SYNPR: variants seen among roughly 807,000 people sequenced by gnomAD.
The protein encoded by SYNPR is synaptoporin.
Under a neutral mutation model 32.9 loss-of-function variants are expected in SYNPR, and 23 were observed. That is an observed-to-expected ratio of 0.70 (90% CI 0.50 to 0.99). The LOEUF (loss-of-function observed/expected upper bound fraction) is 0.99, where lower values mean the gene tolerates loss of function less well. SYNPR is among the 50% of genes least tolerant of loss of function. The pLI is 0.00. For missense variants in SYNPR, 318 were observed against 349.3 expected (o/e 0.91, Z 0.71); for synonymous variants, 146 against 135.9 (o/e 1.07, Z -0.52).
intron 4 of SYNPR, among the ~76,000 whole-genome samples, chr3:63,577,620 T>C (rs1408397669): frequency 6.6e-6 from 1 of 152,056 alleles, no homozygotes; most frequent in Non-Finnish European, 1.5e-5. Flanking sequence ...TGTAGGTGTA[T>C]GAATGTAGGT....
intron 3 of SYNPR, among the ~76,000 whole-genome samples, chr3:63,544,883 C>T (rs1249346700): frequency 6.6e-6 from 1 of 152,024 alleles, no homozygotes; most frequent in Non-Finnish European, 1.5e-5. Context: ...TTCACACACA[C>T]ACACACACAA....
intron 2 of SYNPR, among the ~76,000 whole-genome samples, chr3:63,445,045 C>T (rs886331261): frequency 6.6e-6 from 1 of 151,920 alleles, no homozygotes. Context: ...AACATCACCT[C>T]TTCCCCTCCC....
intron 3 of SYNPR, among the ~76,000 whole-genome samples, chr3:63,481,481 A>C (rs1335391023): frequency 6.6e-6 from 1 of 151,686 alleles, no homozygotes; most frequent in Non-Finnish European, 1.5e-5. Context: ...GTATACATAT[A>C]AAGTGAACTG....
At chr3:63,313,690 C>CCATATATATATCCAT (rs2086995197) in intron 2 of SYNPR, among the ~76,000 whole-genome samples, 1 of 46,624 alleles carries the variant, frequency 2.1e-5, no homozygotes, top group African/African-American at 9.9e-5. Context: ...CATATATATC[C>CCATATATATATCCAT]ATATATATAT....
chr3:63,327,943 T>C lies in SYNPR; in HGVS notation c.84+49201T>C, dbSNP rs1040382364. Among the ~76,000 whole-genome samples the C allele has an allele frequency of 5.3e-5, 8 of 152,096 alleles. No individual in the cohort carries two copies. The East Asian group carries it at 1.5e-3, about 29-fold the overall frequency. On this transcript the variant is annotated intron_variant, in intron 2 of 5. Transcript: ENST00000478300. ...GAAATTCACCTTAAAAAAGGCAATGTGTGAAAAGGATCAGGAGAGGCACAG... is the reference window on the plus strand; with the variant it reads ...GAAATTCACCTTAAAAAAGGCAATGCGTGAAAAGGATCAGGAGAGGCACAG...
rs1021238741 is a variant in SYNPR at position 63,615,638 on chromosome 3, G to A, written c.*157G>A. 3 of 990,448 alleles carry A rather than the reference G, an allele frequency of 3.0e-6. No individual in the cohort carries two copies. Among genetic ancestry groups the A allele is most frequent in the Non-Finnish European group, 4.3e-6 (3 of 695,054 alleles). The allele number at this position is 990,448 out of a possible 1,614,324, so 61.4% of individuals were successfully genotyped here. ...ATTAAGGCAGCAAGTCCTGGGTTGT[G>A]AAAAATGATACTTAGAGATGAGGCG... On this transcript the variant is annotated 3_prime_UTR_variant, in exon 6 of 6. Coordinates refer to ENST00000478300, the MANE Select transcript of SYNPR (RefSeq NM_001130003.2).
At chr3:63,345,662 C>A (rs2087428139) in intron 2 of SYNPR, among the ~76,000 whole-genome samples, 1 of 152,052 alleles carries the variant, frequency 6.6e-6, no homozygotes, top group African/African-American at 2.4e-5. Flanking sequence ...CCAACCAGAG[C>A]CAAGCCAAAG....
chr3:63,283,666 C>T (rs1374618577), intron 2 of SYNPR, among the ~76,000 whole-genome samples: 1 of 144,924 alleles, frequency 6.9e-6, no homozygotes, highest in African/African-American at 2.6e-5. Context: ...ACTCTGTCAC[C>T]CACGATGGAG....
At chr3:63,302,244 G>A (rs2086865300) in intron 2 of SYNPR, among the ~76,000 whole-genome samples, 1 of 151,970 alleles carries the variant, frequency 6.6e-6, no homozygotes, top group Non-Finnish European at 1.5e-5. Context: ...TGTGTGAGTT[G>A]TGCCATTGTT....
chr3:63,524,186 C>T (rs1701962789), intron 3 of SYNPR, among the ~76,000 whole-genome samples: 1 of 151,818 alleles, frequency 6.6e-6, no homozygotes, highest in South Asian at 2.1e-4. Context: ...TAAAAAGTAA[C>T]CAAATAGTAA....
chr3:63,324,430 G>T (rs1266865177), intron 2 of SYNPR, among the ~76,000 whole-genome samples: 1 of 152,108 alleles, frequency 6.6e-6, no homozygotes, highest in Non-Finnish European at 1.5e-5. Context: ...AAGTTTGTGA[G>T]CTGGGAGGTG....
At chr3:63,547,323 T>C (rs6445357) in intron 3 of SYNPR, among the ~76,000 whole-genome samples, 98,805 of 151,862 alleles carry the variant, frequency 0.65, 33,053 homozygotes, top group African/African-American at 0.8. Flanking sequence ...ATTGCTGGAG[T>C]CTTCTCTCAG....
intron 2 of SYNPR, among the ~76,000 whole-genome samples, chr3:63,319,207 G>T (rs2087081519): frequency 6.6e-6 from 1 of 151,912 alleles, no homozygotes; most frequent in African/African-American, 2.4e-5. Flanking sequence ...TATGTTTTTG[G>T]TACCTTGTCA....
In SYNPR at chr3:63,340,419, A is replaced by ACT. The variant is rs1553870463; in HGVS notation, c.84+61677_84+61678insCT. Among the ~76,000 whole-genome samples the ACT allele has an allele frequency of 1.5e-3, 199 of 128,516 alleles. 6 individuals are homozygous for ACT. Among genetic ancestry groups the ACT allele is most frequent in the African/African-American group, 3.1e-3 (107 of 34,388 alleles). The allele number at this position is 128,516 out of a possible 152,430, so 84.3% of individuals were successfully genotyped here. ...TTCTACCATTAATTAAAAAAAATGT[A>ACT]TTTTTTTTTTTTTTTTTTGAGACGG... On this transcript the variant is annotated intron_variant, in intron 2 of 5. Coordinates refer to ENST00000478300, the MANE Select transcript of SYNPR (RefSeq NM_001130003.2).
chr3:63,288,711 C>CT (rs2086709637), intron 2 of SYNPR, among the ~76,000 whole-genome samples: 1 of 152,198 alleles, frequency 6.6e-6, no homozygotes, highest in Non-Finnish European at 1.5e-5. Context: ...AGCTCTGGCC[C>CT]TTTATGTTAG....
chr3:63,350,749 T>C (rs2087495700), intron 2 of SYNPR, among the ~76,000 whole-genome samples: 1 of 152,200 alleles, frequency 6.6e-6, no homozygotes, highest in Non-Finnish European at 1.5e-5. Flanking sequence ...ATCAGAAATA[T>C]ACATGTATGT....
At chr3:63,550,777 T>C (rs981326496) in intron 3 of SYNPR, among the ~76,000 whole-genome samples, 4 of 152,210 alleles carry the variant, frequency 2.6e-5, no homozygotes, top group Non-Finnish European at 4.4e-5. Context: ...TTGTTTTACA[T>C]ATGGTTTATT....
At chr3:63,547,291 T>C (rs1041020376) in intron 3 of SYNPR, among the ~76,000 whole-genome samples, 1 of 152,092 alleles carries the variant, frequency 6.6e-6, no homozygotes, top group East Asian at 1.9e-4. Flanking sequence ...AACTTTTTCT[T>C]AACTTAAGCA....
intron 1 of SYNPR, among the ~76,000 whole-genome samples, chr3:63,237,017 A>C (rs2086205333): frequency 2.0e-5 from 3 of 152,148 alleles, no homozygotes; most frequent in Admixed American, 2.0e-4. Flanking sequence ...GCTCTTTATC[A>C]AGGCAATTCC....
Sources: allele counts gnomAD v4.1 joint callset (sites outside exome capture counted in the v4.1 genomes callset), GRCh38; gene constraint gnomAD v4.1.1; transcripts MANE v1.5; gene names NCBI Gene and HGNC (gene_info 2026-07-23, HGNC 2026-07-21).